Variants in GRM7 observed in about 807,000 individuals in gnomAD.
GRM7 encodes the protein glutamate metabotropic receptor 7.
GRM7 carries 35 observed loss-of-function variants against 84.5 expected under a neutral mutation model. That is an observed-to-expected ratio of 0.41 (90% CI 0.32 to 0.55). GRM7 has a LOEUF of 0.55. Among genes scored for constraint, GRM7 ranks in the 20% least tolerant of loss-of-function variants. GRM7 has a pLI of 0.19. For missense variants in GRM7, 1,003 were observed against 1,194.6 expected (o/e 0.84, Z 2.36); for synonymous variants, 487 against 455.1 (o/e 1.07, Z -0.89).
intron 1 of GRM7, among the ~76,000 whole-genome samples, chr3:7,015,900 A>G (rs1695547975): frequency 6.6e-6 from 1 of 152,198 alleles, no homozygotes; most frequent in African/African-American, 2.4e-5. Flanking sequence ...TACTGTGTTC[A>G]TTAGAAATGA....
intron 2 of GRM7, among the ~76,000 whole-genome samples, chr3:7,197,642 A>G (rs551135870): frequency 5.3e-5 from 8 of 151,908 alleles, no homozygotes; most frequent in African/African-American, 1.9e-4. Flanking sequence ...TAGAGAGCTC[A>G]ATTAGATTTC....
At chr3:7,007,283 T>C (rs1695213314) in intron 1 of GRM7, among the ~76,000 whole-genome samples, 1 of 152,164 alleles carries the variant, frequency 6.6e-6, no homozygotes, top group Admixed American at 6.5e-5. Flanking sequence ...ACACCTAACC[T>C]GTATCGTGAT....
At chr3:7,480,893 G>A (rs1479289451) in intron 7 of GRM7, among the ~76,000 whole-genome samples, 1 of 152,084 alleles carries the variant, frequency 6.6e-6, no homozygotes, top group Non-Finnish European at 1.5e-5. Flanking sequence ...TAATAATCTT[G>A]AAATAAGTGC....
intron 8 of GRM7, among the ~76,000 whole-genome samples, chr3:7,618,676 C>A (rs1697223349): frequency 6.6e-6 from 1 of 152,048 alleles, no homozygotes; most frequent in South Asian, 2.1e-4. Context: ...ACCTAAAATT[C>A]CCCTTATGAC....
Position 7,579,951 on chromosome 3 carries a change from C to A in GRM7, c.2451+594C>A, listed in dbSNP as rs915361681. 2.0e-5 allele frequency among the ~76,000 whole-genome samples: 3 copies of A among 152,200 alleles called. No individual in the cohort carries two copies. In the South Asian group the frequency reaches 6.2e-4, roughly 32 times the overall value. On this transcript the variant is annotated intron_variant, in intron 8 of 9. Coordinates refer to ENST00000357716, the MANE Select transcript of GRM7 (RefSeq NM_000844.4). ...CATAGGCTCCCTACAACTAGATGGA[C>A]ATTAATCACATCCAGCAATTCACAG...
Position 6,928,355 on chromosome 3 carries a change from TGCAGGAA to T in GRM7, c.519+66450_519+66456del, listed in dbSNP as rs1206587167. On this transcript the variant is annotated intron_variant, in intron 1 of 9. Transcript: ENST00000357716. This position sits in a 1 kb window ranked among gnomAD's most constrained non-coding sequence, Gnocchi z 4.5. ...AAAGTTTACTATTTGGCACTGGTCCTGCAGGAAGGTGGCAATGTTACTCACACAGTGA... is the reference window on the plus strand; with the variant it reads ...AAAGTTTACTATTTGGCACTGGTCCTGGTGGCAATGTTACTCACACAGTGA... 6.6e-6 allele frequency among the ~76,000 whole-genome samples: 1 copy of T among 152,204 alleles called. No homozygotes were observed. The highest frequency in any genetic ancestry group is 2.4e-5 in the African/African-American group (1 of 41,468).
At chr3:7,549,785 C>G (rs1344159976) in intron 7 of GRM7, among the ~76,000 whole-genome samples, 1 of 152,170 alleles carries the variant, frequency 6.6e-6, no homozygotes, top group Non-Finnish European at 1.5e-5. Context: ...TACGAGAAGA[C>G]AAACTTTCCC....
intron 2 of GRM7, among the ~76,000 whole-genome samples, chr3:7,240,253 A>C (rs1697508077): frequency 6.8e-6 from 1 of 147,802 alleles, no homozygotes; most frequent in East Asian, 2.1e-4. Flanking sequence ...CTCTTGAAAA[A>C]TAAGAATATA....
intron 2 of GRM7, among the ~76,000 whole-genome samples, chr3:7,285,341 C>G (rs892337708): frequency 6.6e-6 from 1 of 152,152 alleles, no homozygotes; most frequent in East Asian, 1.9e-4. Context: ...CCCCTACAGA[C>G]AGTGCACCGT....
At chr3:6,937,836 G>A (rs1349453542) in intron 1 of GRM7, among the ~76,000 whole-genome samples, 10 of 152,168 alleles carry the variant, frequency 6.6e-5, no homozygotes, top group Non-Finnish European at 1.3e-4. Context: ...TGTTGTTGTG[G>A]TCATGATCAT....
At chr3:6,945,890 A>G (rs191042385) in intron 1 of GRM7, among the ~76,000 whole-genome samples, 2,304 of 152,044 alleles carry the variant, frequency 0.015, 32 homozygotes, top group Non-Finnish European at 0.021. Context: ...CATATCCTTC[A>G]CCCACTTTTT....
intron 4 of GRM7, among the ~76,000 whole-genome samples, chr3:7,326,753 GAAC>G (rs1405475377): frequency 1.3e-5 from 2 of 151,212 alleles, no homozygotes; most frequent in Non-Finnish European, 2.9e-5. Flanking sequence ...AGAATTGCTT[GAAC>G]CCGGGAGGTG....
At chr3:7,076,438 A>T (rs1419253051) in intron 1 of GRM7, among the ~76,000 whole-genome samples, 1 of 152,112 alleles carries the variant, frequency 6.6e-6, no homozygotes, top group Admixed American at 6.6e-5. Flanking sequence ...TAATGTGTTT[A>T]TAAGTGGAAG....
chr3:6,933,492 G>GA (rs1697580289), intron 1 of GRM7, among the ~76,000 whole-genome samples: 1 of 152,156 alleles, frequency 6.6e-6, no homozygotes, highest in Admixed American at 6.5e-5. Context: ...TTTTAAAGTG[G>GA]AAAAATTTAT....
At chr3:7,492,442 G>A (rs1276701683) in intron 7 of GRM7, among the ~76,000 whole-genome samples, 2 of 152,052 alleles carry the variant, frequency 1.3e-5, no homozygotes, top group East Asian at 1.9e-4. Flanking sequence ...GTAGTCTATG[G>A]CTTTCAGGGA....
intron 9 of GRM7, among the ~76,000 whole-genome samples, chr3:7,734,721 A>G (rs908558246): frequency 6.6e-6 from 1 of 152,206 alleles, no homozygotes; most frequent in African/African-American, 2.4e-5. Flanking sequence ...CCATTGTTTT[A>G]TAGTTCAGAA....
intron 4 of GRM7, among the ~76,000 whole-genome samples, chr3:7,309,219 A>G (rs575565776): frequency 1.3e-5 from 2 of 152,342 alleles, no homozygotes; most frequent in African/African-American, 2.4e-5. Context: ...GATAGCATCT[A>G]TGCATTTACA....
chr3:7,671,161 G>A (rs1032723055), intron 8 of GRM7, among the ~76,000 whole-genome samples: 12 of 152,278 alleles, frequency 7.9e-5, no homozygotes, highest in South Asian at 4.1e-4. Context: ...AGCTGCTAGG[G>A]AAGAGAAATT....
intron 1 of GRM7, among the ~76,000 whole-genome samples, chr3:7,100,396 A>G (rs1203145501): frequency 6.6e-6 from 1 of 151,704 alleles, no homozygotes; most frequent in African/African-American, 2.4e-5. Context: ...CCAAGAGGCT[A>G]ACTTATTTTT....
Sources: allele counts gnomAD v4.1 joint callset (sites outside exome capture counted in the v4.1 genomes callset), GRCh38; gene constraint gnomAD v4.1.1; non-coding constraint Gnocchi (gnomAD v3.1); transcripts MANE v1.5; gene names NCBI Gene and HGNC (gene_info 2026-07-23, HGNC 2026-07-21).